The following CAST variants were observed in gnomAD, a reference collection of about 807,000 sequenced individuals.
CAST encodes the protein MIR583 host.
In CAST, 76 loss-of-function variants were observed where a neutral mutation model predicts 119.6. That is an observed-to-expected ratio of 0.64 (90% CI 0.53 to 0.77). The LOEUF (loss-of-function observed/expected upper bound fraction) is 0.77, where lower values mean the gene tolerates loss of function less well. CAST is among the 30% of genes least tolerant of loss of function. CAST has a pLI of 0.00. For missense variants in CAST, 953 were observed against 946.5 expected, an observed-to-expected ratio of 1.01 and a Z score of -0.09; for synonymous variants, 319 against 331.6, an observed-to-expected ratio of 0.96 and a Z score of 0.41.
At chr5:96,602,774 G>T (rs772572871) in intron 1 of CAST, among the ~76,000 whole-genome samples, 2 of 152,164 alleles carry the variant, frequency 1.3e-5, no homozygotes, top group Non-Finnish European at 2.9e-5. Flanking sequence ...AAATAACAGG[G>T]TCATGATAAA....
At chr5:96,015,692 T>G in the CAST span, among the ~76,000 whole-genome samples, 1 of 152,194 alleles carries the variant, frequency 6.6e-6, no homozygotes, top group African/African-American at 2.4e-5. Flanking sequence ...TCGAGCACAT[T>G]GCTAGGCCCA....
the CAST span, among the ~76,000 whole-genome samples, chr5:96,256,310 T>C: frequency 6.8e-6 from 1 of 148,084 alleles, no homozygotes; most frequent in Non-Finnish European, 1.5e-5. Flanking sequence ...TACAGTATAT[T>C]TGTGTGATAT....
At chr5:96,480,223 G>T in the CAST span, among the ~76,000 whole-genome samples, 1 of 152,130 alleles carries the variant, frequency 6.6e-6, no homozygotes, top group African/African-American at 2.4e-5. Flanking sequence ...CTATTGGGGA[G>T]GTTCAGGCAG....
the CAST span, among the ~76,000 whole-genome samples, chr5:96,056,923 A>G: frequency 4.0e-4 from 61 of 152,090 alleles, no homozygotes; most frequent in African/African-American, 1.4e-3. Flanking sequence ...TATTACAAAA[A>G]TTTTTTTAGA....
intron 1 of CAST, among the ~76,000 whole-genome samples, chr5:96,556,450 TA>T (rs1389824671): frequency 1.3e-5 from 2 of 152,212 alleles, no homozygotes; most frequent in African/African-American, 4.8e-5. Flanking sequence ...GCAAAGAAGT[TA>T]AAAACCTTGA....
chr5:96,021,697 T>G, the CAST span, among the ~76,000 whole-genome samples: 1 of 152,136 alleles, frequency 6.6e-6, no homozygotes, highest in Non-Finnish European at 1.5e-5. Flanking sequence ...CCTCCCTCCT[T>G]GGCCTCCCAA....
At chr5:96,276,394 T>G in the CAST span, among the ~76,000 whole-genome samples, 1 of 152,250 alleles carries the variant, frequency 6.6e-6, no homozygotes, top group East Asian at 1.9e-4. Flanking sequence ...TTAAAGCTCT[T>G]AATGGTTTCC....
chr5:95,972,590 G>C, the CAST span, among the ~76,000 whole-genome samples: 1 of 151,988 alleles, frequency 6.6e-6, no homozygotes, highest in East Asian at 1.9e-4. Context: ...TTCATATTAA[G>C]GTTTGATGAT....
At chr5:96,282,071 T>C in the CAST span, among the ~76,000 whole-genome samples, 6 of 151,854 alleles carry the variant, frequency 4.0e-5, no homozygotes, top group South Asian at 8.3e-4. Flanking sequence ...AGACCTAGCA[T>C]GTGCTCACCC....
At chr5:96,343,978 G>A in the CAST span, among the ~76,000 whole-genome samples, 1 of 152,154 alleles carries the variant, frequency 6.6e-6, no homozygotes, top group African/African-American at 2.4e-5. Context: ...ATAAACCAAT[G>A]TTTAATACAT....
chr5:96,168,986 G>A, the CAST span, among the ~76,000 whole-genome samples: 1 of 152,264 alleles, frequency 6.6e-6, no homozygotes, highest in South Asian at 2.1e-4. Context: ...GCAGACATGA[G>A]GGCTAGGCTA....
At chr5:96,487,959 G>A in the CAST span, among the ~76,000 whole-genome samples, 30 of 152,116 alleles carry the variant, frequency 2.0e-4, no homozygotes, top group South Asian at 8.3e-4. Context: ...TCCACTAACC[G>A]TTAATAACCT....
chr5:96,080,614 G>A, the CAST span, among the ~76,000 whole-genome samples: 1 of 152,196 alleles, frequency 6.6e-6, no homozygotes, highest in Non-Finnish European at 1.5e-5. Context: ...GTATCTTCCA[G>A]TTCCAACAAT....
the CAST span, among the ~76,000 whole-genome samples, chr5:96,469,449 C>T: frequency 6.6e-6 from 1 of 151,866 alleles, no homozygotes; most frequent in African/African-American, 2.4e-5. Flanking sequence ...TGACTGCCAA[C>T]GTGATTTTTT....
the CAST span, among the ~76,000 whole-genome samples, chr5:96,025,475 G>A: frequency 1.3e-5 from 2 of 152,044 alleles, no homozygotes; most frequent in East Asian, 3.9e-4. Context: ...AAATTTGGGG[G>A]GGACACAACA....
chr5:96,280,282 A>G, the CAST span, among the ~76,000 whole-genome samples: 1 of 152,124 alleles, frequency 6.6e-6, no homozygotes, highest in Non-Finnish European at 1.5e-5. Flanking sequence ...CCACTCCCCC[A>G]GTCCCCACAC....
intron 20 of CAST, among the ~76,000 whole-genome samples, chr5:96,752,584 T>G (rs1485310388): frequency 2.7e-5 from 4 of 145,494 alleles, no homozygotes; most frequent in Non-Finnish European, 6.0e-5. Flanking sequence ...TTTTTTTTTT[T>G]TTTTTTTTTT....
chr5:96,067,649 T>C, the CAST span, among the ~76,000 whole-genome samples: 1 of 152,178 alleles, frequency 6.6e-6, no homozygotes, highest in Non-Finnish European at 1.5e-5. Flanking sequence ...AAATACAAAA[T>C]TAGCAGTAAT....
At chr5:96,547,414 C>CCAAGGGCAGGAGACAGATGTCCCAGCT in intron 1 of CAST, among the ~76,000 whole-genome samples, 1 of 152,266 alleles carries the variant, frequency 6.6e-6, no homozygotes, top group East Asian at 1.9e-4. Flanking sequence ...AAGGACCAGC[C>CCAAGGGCAGGAGACAGATGTCCCAGCT]CAAGGGCAGG....
Sources: gnomAD v4.1 joint callset for allele counts (sites outside exome capture counted in the v4.1 genomes callset) on GRCh38, gnomAD v4.1.1 for gene constraint, MANE v1.5 for transcripts, NCBI Gene and HGNC (gene_info 2026-07-23, HGNC 2026-07-21) for gene names.